Variants in PCDH15 observed in about 807,000 individuals in gnomAD.
PCDH15 encodes the protein protocadherin-15.
In PCDH15, 129 loss-of-function variants were observed where a neutral mutation model predicts 178.5. The ratio of observed to expected loss-of-function variants is 0.72; its 90% CI spans 0.63 to 0.84. The LOEUF is 0.84. PCDH15 is among the 40% of genes least tolerant of loss of function. The pLI is 0.00. For synonymous variants in PCDH15, 800 were observed against 732.0 expected (o/e 1.09, Z -1.50); for missense variants, 2,230 against 2,099.9 (o/e 1.06, Z -1.21).
chr10:54,331,507 T>G (rs1939563387), intron 6 of PCDH15, among the ~76,000 whole-genome samples: 1 of 152,008 alleles, frequency 6.6e-6, no homozygotes, highest in Non-Finnish European at 1.5e-5. Flanking sequence ...ATTTTTTGCC[T>G]ATTCAACTTT....
chr10:53,852,434 A>T (rs993078858), intron 28 of PCDH15, among the ~76,000 whole-genome samples: 1 of 152,088 alleles, frequency 6.6e-6, no homozygotes, highest in African/African-American at 2.4e-5. Context: ...TTAAAAAGGT[A>T]TATGTTTCCT....
chr10:55,615,203 C>T (rs1324781829), intron 2 of PCDH15, among the ~76,000 whole-genome samples: 1 of 145,214 alleles, frequency 6.9e-6, no homozygotes, highest in Non-Finnish European at 1.5e-5. Flanking sequence ...AGAACAGTGA[C>T]TATAATAAAA....
rs559464932 is a variant in PCDH15 at position 55,539,561 on chromosome 10, T to C, written c.-156+88064A>G. ...ACTTGAAACTTCTAATTGTAATTCATAGAACTCCAATACTATGTGCAAATT... is the reference window on the plus strand; with the variant it reads ...ACTTGAAACTTCTAATTGTAATTCACAGAACTCCAATACTATGTGCAAATT... On this transcript the variant is annotated intron_variant, in intron 2 of 5. Transcript: ENST00000613346. Among the ~76,000 whole-genome samples the C allele has an allele frequency of 9.9e-5, 15 of 152,238 alleles. No individual in the cohort carries two copies. The East Asian group carries it at 1.9e-3, about 20-fold the overall frequency.
intron 2 of PCDH15, among the ~76,000 whole-genome samples, chr10:55,582,191 A>AT (rs1260664266): frequency 1.3e-5 from 2 of 152,160 alleles, no homozygotes; most frequent in Non-Finnish European, 2.9e-5. Context: ...GTACTGTGCA[A>AT]CCAATCTAGA....
At chr10:54,067,972 AT>A (rs1009750315) in intron 17 of PCDH15, among the ~76,000 whole-genome samples, 54 of 140,476 alleles carry the variant, frequency 3.8e-4, no homozygotes, top group East Asian at 4.0e-4. Context: ...TTTATTTTTT[AT>A]TTTTTTTTAT....
rs138784646 is a variant in PCDH15 at position 53,821,198 on chromosome 10, CAAATCCATAAGCATACTACT to C, written c.4368-988_4368-969del. 7,574 of 976,742 alleles carry C rather than the reference CAAATCCATAAGCATACTACT, an allele frequency of 7.8e-3. 458 individuals carry two copies. In the African/African-American group the frequency reaches 0.12, roughly 16 times the overall value. The allele number at this position is 976,742 out of a possible 1,614,324, so 60.5% of individuals were successfully genotyped here. A position where few individuals can be genotyped will look rare whatever the true frequency, so the allele number is the denominator to read the frequency against. The stretch of plus-strand genomic sequence containing the variant: ...GCAACTGAAAAAGTATAAGATTTAT[CAAATCCATAAGCATACTACT>C]AAATCCATAAGCATACTACTAAGAT... On this transcript the variant is annotated intron_variant, in intron 32 of 37. Transcript: ENST00000644397.
intron 3 of PCDH15, among the ~76,000 whole-genome samples, chr10:54,819,041 T>C (rs1952993923): frequency 6.6e-6 from 1 of 151,976 alleles, no homozygotes; most frequent in Non-Finnish European, 1.5e-5. Context: ...TCTCCTGTCT[T>C]AGCTTCCCAA....
chr10:54,661,762 A>T (rs1375831976), intron 2 of PCDH15, among the ~76,000 whole-genome samples: 1 of 151,922 alleles, frequency 6.6e-6, no homozygotes, highest in African/African-American at 2.4e-5. Context: ...ACATGTGTAT[A>T]ACCACGGTTC....
intron 2 of PCDH15, among the ~76,000 whole-genome samples, chr10:55,139,157 A>T (rs1838281390): frequency 6.6e-6 from 1 of 151,902 alleles, no homozygotes; most frequent in South Asian, 2.1e-4. Context: ...TTTGCTTTTT[A>T]TTAAATAATT....
chr10:53,902,853 A>C (rs1196319069), intron 26 of PCDH15, among the ~76,000 whole-genome samples: 1 of 152,060 alleles, frequency 6.6e-6, no homozygotes, highest in East Asian at 1.9e-4. Context: ...ATTTCAGAAA[A>C]AAATGGTTAA....
intron 3 of PCDH15, among the ~76,000 whole-genome samples, chr10:54,402,831 T>G (rs190551778): frequency 6.6e-6 from 1 of 152,098 alleles, no homozygotes; most frequent in East Asian, 1.9e-4. Context: ...GGCCTCTGTA[T>G]TCCTTAAGAC....
chr10:54,173,060 T>C (rs765838974), intron 13 of PCDH15, among the ~76,000 whole-genome samples: 1 of 152,212 alleles, frequency 6.6e-6, no homozygotes, highest in Admixed American at 6.5e-5. Flanking sequence ...ATTACTATAA[T>C]GCTAGCATTA....
chr10:54,510,583 G>C (rs187842820), intron 3 of PCDH15, among the ~76,000 whole-genome samples: 2 of 152,216 alleles, frequency 1.3e-5, no homozygotes, highest in South Asian at 4.1e-4. Flanking sequence ...ACTAACACAG[G>C]AAGAACTACT....
intron 9 of PCDH15, among the ~76,000 whole-genome samples, chr10:54,227,683 A>C (rs2053601052): frequency 1.3e-5 from 2 of 152,306 alleles, no homozygotes; most frequent in Non-Finnish European, 2.9e-5. Context: ...TCAGGCTGTA[A>C]ATATTCTGAA....
intron 3 of PCDH15, among the ~76,000 whole-genome samples, chr10:54,507,560 T>C (rs770438797): frequency 1.3e-5 from 2 of 151,914 alleles, no homozygotes; most frequent in Non-Finnish European, 2.9e-5. Context: ...ATTAGATTCT[T>C]TTTGCTTCAT....
At chr10:54,687,015 T>C (rs112696764) in intron 1 of PCDH15, among the ~76,000 whole-genome samples, 1 of 152,238 alleles carries the variant, frequency 6.6e-6, no homozygotes, top group African/African-American at 2.4e-5. Flanking sequence ...AGCCAATAGA[T>C]ATATTTAAAA....
chr10:54,779,434 G>A (rs200682413), intron 1 of PCDH15, among the ~76,000 whole-genome samples: 27 of 61,380 alleles, frequency 4.4e-4, no homozygotes, highest in East Asian at 2.1e-3. Context: ...ACACACATAT[G>A]TGTATATATA....
At chr10:54,252,600 G>C (rs564839930) in intron 8 of PCDH15, among the ~76,000 whole-genome samples, 34 of 152,260 alleles carry the variant, frequency 2.2e-4, no homozygotes, top group African/African-American at 7.9e-4. Context: ...GCTGCCATCA[G>C]AGCCAGAACG....
intron 2 of PCDH15, among the ~76,000 whole-genome samples, chr10:55,611,777 G>T (rs1027472352): frequency 6.6e-6 from 1 of 151,942 alleles, no homozygotes; most frequent in African/African-American, 2.4e-5. Context: ...GGGATGAATG[G>T]ATAAAGGAAA....
Sources: gnomAD v4.1 joint callset for allele counts (sites outside exome capture counted in the v4.1 genomes callset) on GRCh38, gnomAD v4.1.1 for gene constraint, MANE v1.5 for transcripts, NCBI Gene and HGNC (gene_info 2026-07-23, HGNC 2026-07-21) for gene names.